The following KCNN2 variants were observed in gnomAD, a reference collection of about 807,000 sequenced individuals.
KCNN2 encodes the protein potassium calcium-activated channel subfamily N member 2.
A neutral mutation model predicts 55.5 loss-of-function variants in KCNN2; 24 were observed. The ratio of observed to expected loss-of-function variants is 0.43; its 90% CI spans 0.31 to 0.61. The LOEUF is 0.61. Among genes scored for constraint, KCNN2 ranks in the 20% least tolerant of loss-of-function variants. The pLI is 0.08. For synonymous variants in KCNN2, 431 were observed against 336.1 expected, an observed-to-expected ratio of 1.28 and a Z score of -3.09; for missense variants, 754 against 853.6, an observed-to-expected ratio of 0.88 and a Z score of 1.45.
chr5:114,447,820 G>A (rs982178298), intron 3 of KCNN2, among the ~76,000 whole-genome samples: 4 of 152,166 alleles, frequency 2.6e-5, no homozygotes, highest in Admixed American at 6.5e-5. Flanking sequence ...CGAAGGGTGC[G>A]CTTTTTCCTT....
chr5:114,167,086 A>G (rs560245543), intron 1 of KCNN2, among the ~76,000 whole-genome samples: 24 of 152,280 alleles, frequency 1.6e-4, no homozygotes, highest in African/African-American at 5.3e-4. Context: ...ATTTCATTCA[A>G]TTGCCTCAGC....
chr5:114,115,177 G>T (rs1249827796), intron 1 of KCNN2, among the ~76,000 whole-genome samples: 3 of 152,050 alleles, frequency 2.0e-5, no homozygotes, highest in African/African-American at 7.2e-5. Context: ...CCATATGATT[G>T]ATTTTATTAA....
chr5:114,315,759 T>A (rs1029524634), intron 2 of KCNN2, among the ~76,000 whole-genome samples: 1 of 152,166 alleles, frequency 6.6e-6, no homozygotes, highest in Non-Finnish European at 1.5e-5. Flanking sequence ...GTTAACATAC[T>A]TTTTAAAGGT....
chr5:114,092,128 G>A (rs1054401704), intron 1 of KCNN2, among the ~76,000 whole-genome samples: 5 of 152,196 alleles, frequency 3.3e-5, no homozygotes, highest in African/African-American at 9.6e-5. Flanking sequence ...AAGCCAGTTA[G>A]TTACTTACAA....
chr5:114,272,454 ATGTACATATCATACACACATATG>A, intron 2 of KCNN2, among the ~76,000 whole-genome samples: 1 of 10,946 alleles, frequency 9.1e-5, no homozygotes, highest in African/African-American at 1.2e-4. Flanking sequence ...ACACATATGT[ATGTACATATCATACACACATATG>A]TATGTACATA....
intron 1 of KCNN2, among the ~76,000 whole-genome samples, chr5:114,190,537 G>C (rs1378152987): frequency 1.3e-5 from 2 of 152,068 alleles, no homozygotes; most frequent in Non-Finnish European, 2.9e-5. Context: ...TTATGAATAT[G>C]TACATTTTTA....
chr5:114,162,609 A>G (rs1752812426), intron 1 of KCNN2, among the ~76,000 whole-genome samples: 1 of 152,118 alleles, frequency 6.6e-6, no homozygotes, highest in South Asian at 2.1e-4. Context: ...GTTGGACCCT[A>G]CAGAAGCAGG....
At chr5:114,441,943 TAAC>T (rs1304457409) in intron 3 of KCNN2, among the ~76,000 whole-genome samples, 1 of 152,200 alleles carries the variant, frequency 6.6e-6, no homozygotes, top group Non-Finnish European at 1.5e-5. Context: ...TTTTAAAACT[TAAC>T]TGCTGTATTC....
At chr5:114,198,987 T>G (rs957450522) in intron 1 of KCNN2, among the ~76,000 whole-genome samples, 44 of 152,136 alleles carry the variant, frequency 2.9e-4, no homozygotes, top group Non-Finnish European at 3.7e-4. Context: ...TCTTTGTTAA[T>G]TTTTTGTCTT....
intron 2 of KCNN2, among the ~76,000 whole-genome samples, chr5:114,257,608 G>A (rs1755010208): frequency 6.6e-6 from 1 of 151,890 alleles, no homozygotes; most frequent in South Asian, 2.1e-4. Flanking sequence ...TTATTTTGTA[G>A]CTATTGTAAA....
rs149165407 is a variant in KCNN2 at position 114,389,630 on chromosome 5, G to A, written c.1219-14808G>A. Among the ~76,000 whole-genome samples, 432 of 152,194 alleles carry A rather than the reference G, an allele frequency of 2.8e-3. 2 individuals carry two copies. Among genetic ancestry groups the A allele is most frequent in the African/African-American group, 8.8e-3 (367 of 41,516 alleles). On this transcript the variant is annotated intron_variant, in intron 2 of 7. Coordinates refer to ENST00000673685, the MANE Select transcript of KCNN2 (RefSeq NM_021614.4). ...GCTTTCAAGTTTCATCCCAAATACC[G>A]TGTGAACTGTGAGGTTCTATACAAC...
At chr5:114,082,062 C>A (rs553283905) in intron 1 of KCNN2, among the ~76,000 whole-genome samples, 13 of 151,990 alleles carry the variant, frequency 8.6e-5, no homozygotes, top group South Asian at 6.3e-4. Flanking sequence ...CCAGTAAGCA[C>A]GTGAAAAGAT....
chr5:114,089,042 A>G (rs1378484082), intron 1 of KCNN2, among the ~76,000 whole-genome samples: 1 of 152,144 alleles, frequency 6.6e-6, no homozygotes, highest in Non-Finnish European at 1.5e-5. Context: ...TTGTCTGTTA[A>G]TTCTATCACC....
At chr5:114,110,633 C>A (rs1250869197) in intron 1 of KCNN2, among the ~76,000 whole-genome samples, 1 of 151,986 alleles carries the variant, frequency 6.6e-6, no homozygotes, top group Non-Finnish European at 1.5e-5. Context: ...ATCTCCAGTG[C>A]CTAAATATTC....
At chr5:114,265,396 CAT>C (rs1755190453) in intron 2 of KCNN2, among the ~76,000 whole-genome samples, 1 of 151,360 alleles carries the variant, frequency 6.6e-6, no homozygotes, top group Admixed American at 6.6e-5. Flanking sequence ...GAAATTGACT[CAT>C]GTGATTATGG....
At chr5:114,206,763 C>CTTT (rs34590942) in intron 1 of KCNN2, among the ~76,000 whole-genome samples, 17 of 147,554 alleles carry the variant, frequency 1.2e-4, no homozygotes, top group East Asian at 8.1e-4. Flanking sequence ...CCTGGTACTT[C>CTTT]TTTTTTTTTT....
chr5:114,495,824 A>T, intron 7 of KCNN2, 71 bp from the exon 8 acceptor site: 1 of 1,434,500 alleles, frequency 7.0e-7, no homozygotes, highest in African/African-American at 1.4e-5. Context: ...ACCAGAGCTA[A>T]ACCTCTGAGA....
intron 1 of KCNN2, among the ~76,000 whole-genome samples, chr5:114,217,860 G>C (rs537799608): frequency 1.3e-5 from 2 of 152,052 alleles, no homozygotes; most frequent in Non-Finnish European, 2.9e-5. Flanking sequence ...ATCTGATAAA[G>C]GCCTGTTATC....
chr5:114,245,386 T>G (rs1013585890), intron 2 of KCNN2, among the ~76,000 whole-genome samples: 1 of 152,260 alleles, frequency 6.6e-6, no homozygotes, highest in African/African-American at 2.4e-5. Context: ...TGTAGCATTT[T>G]ATACTTCACC....
Sources: allele counts gnomAD v4.1 joint callset (sites outside exome capture counted in the v4.1 genomes callset), GRCh38; gene constraint gnomAD v4.1.1; transcripts MANE v1.5; gene names NCBI Gene and HGNC (gene_info 2026-07-23, HGNC 2026-07-21).